SNTG2: variants seen among roughly 807,000 people sequenced by gnomAD.
The protein encoded by SNTG2 is gamma-2-syntrophin.
A neutral mutation model predicts 70.9 loss-of-function variants in SNTG2; 74 were observed. That is an observed-to-expected ratio of 1.04 (90% CI 0.86 to 1.27). The LOEUF (loss-of-function observed/expected upper bound fraction) is 1.27, where lower values mean the gene tolerates loss of function less well. Among genes scored for constraint, SNTG2 ranks in the 50% most tolerant of loss-of-function variants. SNTG2 has a pLI of 0.00. For synonymous variants in SNTG2, 278 were observed against 273.8 expected (o/e 1.02, Z -0.15); for missense variants, 717 against 690.7 (o/e 1.04, Z -0.43).
chr2:1,358,449 T>C (rs573157773), intron 16 of SNTG2, among the ~76,000 whole-genome samples: 134 of 152,282 alleles, frequency 8.8e-4, no homozygotes, highest in African/African-American at 3.1e-3. Flanking sequence ...ATAAAGTTAT[T>C]TGGTTTATTT....
intron 1 of SNTG2, among the ~76,000 whole-genome samples, chr2:1,017,993 T>C (rs193176614): frequency 6.6e-6 from 1 of 152,174 alleles, no homozygotes; most frequent in Non-Finnish European, 1.5e-5. Context: ...GTTTCGTCCA[T>C]CCCTTTTCCT....
intron 16 of SNTG2, among the ~76,000 whole-genome samples, chr2:1,341,952 C>G (rs1234296784): frequency 6.6e-6 from 1 of 151,494 alleles, no homozygotes; most frequent in Non-Finnish European, 1.5e-5. Flanking sequence ...CTCAAGCCAT[C>G]CTCCTACCTC....
At chr2:954,322 G>A (rs1428295251) in intron 1 of SNTG2, among the ~76,000 whole-genome samples, 3 of 152,136 alleles carry the variant, frequency 2.0e-5, no homozygotes, top group Non-Finnish European at 1.5e-5. Flanking sequence ...GGGTTCCGAA[G>A]GTCACTTTGT....
At chr2:1,079,379 G>T (rs904987466) in intron 1 of SNTG2, among the ~76,000 whole-genome samples, 4 of 152,228 alleles carry the variant, frequency 2.6e-5, no homozygotes, top group Non-Finnish European at 5.9e-5. Flanking sequence ...ATGTGTGTTA[G>T]TATAGAAGAA....
At chr2:1,301,808 A>G (rs1005753149) in intron 14 of SNTG2, among the ~76,000 whole-genome samples, 2 of 152,192 alleles carry the variant, frequency 1.3e-5, no homozygotes, top group African/African-American at 4.8e-5. Flanking sequence ...AGAGTTTAGT[A>G]TCAGCAGATC....
chr2:1,032,391 A>G (rs1558326822), intron 1 of SNTG2, among the ~76,000 whole-genome samples: 1 of 152,238 alleles, frequency 6.6e-6, no homozygotes, highest in African/African-American at 2.4e-5. Flanking sequence ...GCACGCACAT[A>G]TATCAGGAAT....
Position 1,031,529 on chromosome 2 carries a change from T to TATA in SNTG2, c.73-51989_73-51988insATA, listed in dbSNP as rs372970926. Among the ~76,000 whole-genome samples the TATA allele has an allele frequency of 8.0e-3, 339 of 42,548 alleles. 1 individual carries two copies. The highest frequency in any genetic ancestry group is 0.033 in the African/African-American group (287 of 8,782). The allele number at this position is 42,548 out of a possible 152,430, so 27.9% of individuals were successfully genotyped here. A position where few individuals can be genotyped will look rare whatever the true frequency, so the allele number is the denominator to read the frequency against. ...ATTGTTATATATATATATATATATA[T>TATA]TTTTTTTTTTTTTTTTTTTGAGGCG... is the stretch of plus-strand genomic sequence containing the variant. On this transcript the variant is annotated intron_variant, in intron 1 of 16. Coordinates refer to ENST00000308624, the MANE Select transcript of SNTG2 (RefSeq NM_018968.4).
intron 16 of SNTG2, among the ~76,000 whole-genome samples, chr2:1,338,948 C>A (rs376875585): frequency 6.6e-6 from 1 of 152,196 alleles, no homozygotes; most frequent in Non-Finnish European, 1.5e-5. Context: ...CATCTGTTCT[C>A]CACAGCGCCT....
intron 1 of SNTG2, among the ~76,000 whole-genome samples, chr2:1,032,455 AATATAAACAGGT>A (rs1376912232): frequency 3.3e-4 from 50 of 152,204 alleles, no homozygotes; most frequent in African/African-American, 1.1e-3. Flanking sequence ...ATAGCCCAAA[AATATAAACAGGT>A]ATAGGCAAGG....
intron 1 of SNTG2, among the ~76,000 whole-genome samples, chr2:1,065,496 T>C (rs35801395): frequency 0.18 from 26,973 of 152,146 alleles, 2,468 homozygotes; most frequent in South Asian, 0.22. Flanking sequence ...TTAACTATTA[T>C]CAACTGGATG....
intron 16 of SNTG2, among the ~76,000 whole-genome samples, chr2:1,365,659 A>G: frequency 6.6e-6 from 1 of 152,168 alleles, no homozygotes; most frequent in East Asian, 1.9e-4. Context: ...ACACCAATGT[A>G]GGCATCTTGG....
At chr2:1,087,857 A>G (rs1664780929) in intron 2 of SNTG2, among the ~76,000 whole-genome samples, 1 of 152,234 alleles carries the variant, frequency 6.6e-6, no homozygotes, top group South Asian at 2.1e-4. Flanking sequence ...AAGAAGTTAA[A>G]GTCTCTCAGA....
At chr2:1,070,462 T>G (rs1330644965) in intron 1 of SNTG2, among the ~76,000 whole-genome samples, 1 of 152,320 alleles carries the variant, frequency 6.6e-6, no homozygotes, top group African/African-American at 2.4e-5. Context: ...GCTCATGAGC[T>G]TCTTAGCAGA....
chr2:1,017,836 A>G (rs1034705997), intron 1 of SNTG2, among the ~76,000 whole-genome samples: 2 of 152,182 alleles, frequency 1.3e-5, no homozygotes, highest in African/African-American at 4.8e-5. Context: ...ATGCATCAAT[A>G]ACTGTCAGGT....
intron 16 of SNTG2, among the ~76,000 whole-genome samples, chr2:1,318,539 C>T (rs1380252635): frequency 6.6e-6 from 1 of 152,214 alleles, no homozygotes; most frequent in Non-Finnish European, 1.5e-5. Flanking sequence ...GATGAGGCAG[C>T]GGCACTCGTG....
intron 9 of SNTG2, among the ~76,000 whole-genome samples, chr2:1,214,346 T>C (rs1328795686): frequency 1.3e-5 from 2 of 152,178 alleles, no homozygotes; most frequent in African/African-American, 4.8e-5. Context: ...AGTAGTATGG[T>C]ATCTAAACAA....
intron 9 of SNTG2, among the ~76,000 whole-genome samples, chr2:1,216,348 GTCT>G (rs1318670948): frequency 6.6e-6 from 1 of 152,190 alleles, no homozygotes; most frequent in Non-Finnish European, 1.5e-5. Flanking sequence ...CTGCATAAAT[GTCT>G]TCTTTTGAGA....
intron 11 of SNTG2, among the ~76,000 whole-genome samples, chr2:1,245,683 T>C (rs1677381424): frequency 6.6e-6 from 1 of 152,176 alleles, no homozygotes; most frequent in Non-Finnish European, 1.5e-5. Flanking sequence ...AACAAAAATA[T>C]AAGTATGTGA....
chr2:1,265,002 G>T (rs1383821293), intron 13 of SNTG2, among the ~76,000 whole-genome samples: 4 of 152,228 alleles, frequency 2.6e-5, no homozygotes, highest in African/African-American at 9.6e-5. Flanking sequence ...CAAAAGTTAT[G>T]CATGAATCTT....
Sources: allele counts gnomAD v4.1 joint callset (sites outside exome capture counted in the v4.1 genomes callset), GRCh38; gene constraint gnomAD v4.1.1; transcripts MANE v1.5; gene names NCBI Gene and HGNC (gene_info 2026-07-23, HGNC 2026-07-21).